ZMAT3: variants seen among roughly 807,000 people sequenced by gnomAD.
ZMAT3 encodes zinc finger matrin-type 3, also known as zinc finger matrin-type protein 3.
Under a neutral mutation model 32.3 loss-of-function variants are expected in ZMAT3, and 17 were observed. The observed-to-expected ratio is 0.53, with a 90% CI of 0.36 to 0.79. The LOEUF (loss-of-function observed/expected upper bound fraction) is 0.79. ZMAT3 is among the 30% of genes least tolerant of loss of function. ZMAT3 has a pLI of 0.00. For synonymous variants in ZMAT3, 120 were observed against 133.1 expected, an observed-to-expected ratio of 0.90 and a Z score of 0.68; for missense variants, 329 against 359.7, an observed-to-expected ratio of 0.91 and a Z score of 0.69.
In ZMAT3 at chr3:179,023,647, T is replaced by C. The variant is rs865987505; in HGVS notation, c.*1370A>G. ...TACTATCAATGAAGTAACTCTAAAT[T>C]GGAAAATCAAACACACCTTTGTTTC... is the stretch of plus-strand genomic sequence containing the variant. On this transcript the variant is annotated 3_prime_UTR_variant, in exon 6 of 6. Transcript: ENST00000311417. 7.6e-6 allele frequency: 1 copy of C among 131,460 alleles called. No homozygotes were observed. Among genetic ancestry groups the C allele is most frequent in the African/African-American group, 2.9e-5 (1 of 34,642 alleles). 8.1% of individuals were successfully genotyped at this position (131,460 alleles called of 1,614,324 possible). A position where few individuals can be genotyped will look rare whatever the true frequency, so the allele number is the denominator to read the frequency against.
intron 2 of ZMAT3, among the ~76,000 whole-genome samples, chr3:179,044,670 C>A (rs755913586): frequency 6.6e-6 from 1 of 151,972 alleles, no homozygotes; most frequent in South Asian, 2.1e-4. Context: ...GAAAATGTGA[C>A]ACATATACAC....
At position 179,019,183 on chromosome 3, in the gene ZMAT3, C is replaced by G. The variant is rs1446649865; in HGVS notation, c.*5834G>C. ...TTTATGACAAGCACTTAAAAATGAC[C>G]AATTCTAAAATAAACTTGTGTTTGA... On this transcript the variant is annotated 3_prime_UTR_variant, in exon 6 of 6. Coordinates refer to ENST00000311417, the MANE Select transcript of ZMAT3 (RefSeq NM_022470.4). 6.6e-6 allele frequency: 1 copy of G among 151,468 alleles called. No homozygotes were observed. Among genetic ancestry groups the G allele is most frequent in the African/African-American group, 2.4e-5 (1 of 41,234 alleles). 9.4% of individuals were successfully genotyped at this position (151,468 alleles called of 1,614,324 possible). A position where few individuals can be genotyped will look rare whatever the true frequency, so the allele number is the denominator to read the frequency against.
At chr3:179,031,799 C>A (rs773966868) in intron 2 of ZMAT3, among the ~76,000 whole-genome samples, 2 of 151,648 alleles carry the variant, frequency 1.3e-5, no homozygotes, top group Non-Finnish European at 2.9e-5. Flanking sequence ...CCCAGCTACT[C>A]GGGAGGCTGA....
intron 2 of ZMAT3, 22 bp downstream of exon 2, chr3:179,067,461 T>A: frequency 6.2e-7 from 1 of 1,610,786 alleles, no homozygotes; most frequent in Non-Finnish European, 8.5e-7. Flanking sequence ...ACTCAATGCC[T>A]GGTTTTCTTT....
chr3:179,047,852 C>T (rs1211057710), intron 2 of ZMAT3, among the ~76,000 whole-genome samples: 4 of 149,110 alleles, frequency 2.7e-5, no homozygotes, highest in Non-Finnish European at 5.9e-5. Flanking sequence ...GAGTAAGACT[C>T]AGTCTCAAAA....
rs955877000 is a variant in ZMAT3 at position 179,050,773 on chromosome 3, G to C, written c.270+16710C>G. Among the ~76,000 whole-genome samples, 3 of 152,142 alleles carry C rather than the reference G, an allele frequency of 2.0e-5. No individual in the cohort carries two copies. In the South Asian group the frequency reaches 6.2e-4, roughly 31 times the overall value. ...GCATATCAAAAAGATAATCCACCAT[G>C]ATCAAGTGGGTTTCACACCAGGGAT... On this transcript the variant is annotated intron_variant, in intron 2 of 5. Coordinates refer to ENST00000311417, the MANE Select transcript of ZMAT3 (RefSeq NM_022470.4).
At chr3:179,047,526 A>G (rs1434706530) in intron 2 of ZMAT3, among the ~76,000 whole-genome samples, 1 of 152,236 alleles carries the variant, frequency 6.6e-6, no homozygotes, top group Non-Finnish European at 1.5e-5. Context: ...ATTGCCAGAA[A>G]AAGAATTCAG....
At chr3:179,069,167 G>A (rs972582210) in intron 1 of ZMAT3, among the ~76,000 whole-genome samples, 3 of 152,128 alleles carry the variant, frequency 2.0e-5, no homozygotes, top group African/African-American at 7.2e-5. Flanking sequence ...ATGTCCAATG[G>A]AGTAATGGAT....
In ZMAT3 at chr3:179,020,860, C is replaced by G. The variant is rs1718508535; in HGVS notation, c.*4157G>C. ...AATTCAAGAGTGAAGGAAGATGTAA[C>G]CAGACATACATATCTCCCTTTCTCC... On this transcript the variant is annotated 3_prime_UTR_variant, in exon 6 of 6. Coordinates refer to ENST00000311417, the MANE Select transcript of ZMAT3 (RefSeq NM_022470.4). The G allele has an allele frequency of 6.6e-6, 1 of 152,198 alleles. No individual in the cohort carries two copies. The highest frequency in any genetic ancestry group is 1.5e-5 in the Non-Finnish European group (1 of 68,036). The allele number at this position is 152,198 out of a possible 1,614,324, so 9.4% of individuals were successfully genotyped here.
At chr3:179,066,874 G>A (rs1259741898) in intron 2 of ZMAT3, among the ~76,000 whole-genome samples, 1 of 152,154 alleles carries the variant, frequency 6.6e-6, no homozygotes, top group African/African-American at 2.4e-5. Context: ...TTACGCTAAT[G>A]GGCTAAAATA....
chr3:179,030,590 G>C (rs981359328), intron 3 of ZMAT3, among the ~76,000 whole-genome samples: 1 of 152,064 alleles, frequency 6.6e-6, no homozygotes, highest in Non-Finnish European at 1.5e-5. Context: ...TCTTGACCTC[G>C]TGATTCGCCC....
At chr3:179,050,855 T>C (rs1199271403) in intron 2 of ZMAT3, among the ~76,000 whole-genome samples, 3 of 152,192 alleles carry the variant, frequency 2.0e-5, no homozygotes, top group African/African-American at 7.2e-5. Context: ...ATAAATGTGA[T>C]ACACTACATA....
At chr3:179,041,062 G>T (rs956739680) in intron 2 of ZMAT3, among the ~76,000 whole-genome samples, 9 of 152,102 alleles carry the variant, frequency 5.9e-5, no homozygotes, top group African/African-American at 2.2e-4. Context: ...CCCAATACAG[G>T]AGCACCCAGA....
chr3:179,058,755 CAAAAAAAA>C (rs56006230), intron 2 of ZMAT3, among the ~76,000 whole-genome samples: 1 of 68,226 alleles, frequency 1.5e-5, no homozygotes, highest in African/African-American at 5.2e-5. Flanking sequence ...GACTCCGTCT[CAAAAAAAA>C]AAAAAAAAAA....
intron 2 of ZMAT3, among the ~76,000 whole-genome samples, chr3:179,035,998 T>C (rs909950687): frequency 6.6e-6 from 1 of 152,212 alleles, no homozygotes; most frequent in African/African-American, 2.4e-5. Context: ...AACGGTCTTC[T>C]AGATCCTTTG....
rs1718652517 is a variant in ZMAT3 at position 179,023,374 on chromosome 3, A to G, written c.*1643T>C. 6.6e-6 allele frequency: 1 copy of G among 152,070 alleles called. No individual in the cohort carries two copies. The highest frequency in any genetic ancestry group is 1.5e-5 in the Non-Finnish European group (1 of 68,002). The allele number at this position is 152,070 out of a possible 1,614,324, so 9.4% of individuals were successfully genotyped here. A position where few individuals can be genotyped will look rare whatever the true frequency, so the allele number is the denominator to read the frequency against. ...TTAGTATCTTCAAGAAAGCCGAATT[A>G]CAAAGAATAAAACCATAGTTCGTGT... On this transcript the variant is annotated 3_prime_UTR_variant, in exon 6 of 6. Coordinates refer to ENST00000311417, the MANE Select transcript of ZMAT3 (RefSeq NM_022470.4).
chr3:179,029,244 C>T (rs1041246808), intron 3 of ZMAT3, among the ~76,000 whole-genome samples: 2 of 152,044 alleles, frequency 1.3e-5, no homozygotes, highest in African/African-American at 4.8e-5. Context: ...CTCATCTAAG[C>T]TTCTAATAAA....
At chr3:179,067,359 T>C in intron 2 of ZMAT3, 124 bp downstream of exon 2, 1 of 1,011,442 alleles carries the variant, frequency 9.9e-7, no homozygotes, top group South Asian at 1.6e-5. Flanking sequence ...AAATTCATAG[T>C]TAGTTGTTCT....
chr3:179,028,302 A>G (rs1310958831), intron 3 of ZMAT3, among the ~76,000 whole-genome samples: 1 of 152,214 alleles, frequency 6.6e-6, no homozygotes, highest in Non-Finnish European at 1.5e-5. Flanking sequence ...ATAATCCGGA[A>G]AAAAATTAAA....
Sources: allele counts gnomAD v4.1 joint callset (sites outside exome capture counted in the v4.1 genomes callset), GRCh38; gene constraint gnomAD v4.1.1; transcripts MANE v1.5; gene names NCBI Gene and HGNC (gene_info 2026-07-23, HGNC 2026-07-21).